Variants in KLHL13 observed in about 807,000 individuals in gnomAD.
The protein encoded by KLHL13 is kelch-like protein 13.
Under a neutral mutation model 37.1 loss-of-function variants are expected in KLHL13, and 10 were observed. The ratio of observed to expected loss-of-function variants is 0.27; its 90% CI spans 0.17 to 0.46. KLHL13 has a LOEUF of 0.46. KLHL13 is among the 20% of genes least tolerant of loss of function. KLHL13 has a pLI of 1.00. For missense variants in KLHL13, 360 were observed against 509.3 expected (o/e 0.71, Z 2.82); for synonymous variants, 163 against 181.2 (o/e 0.90, Z 0.81).
chrX:117,898,374 T>C (rs1929866513), exon 7 of KLHL13: 1 of 112,458 alleles, frequency 8.9e-6, no homozygotes, highest in Non-Finnish European at 1.9e-5. Flanking sequence ...CACAGTCAAG[T>C]GGGTTGACAG....
At chrX:117,970,284 C>T (rs1273797724) in intron 1 of KLHL13, among the ~76,000 whole-genome samples, 1 of 111,914 alleles carries the variant, frequency 8.9e-6, no homozygotes, top group African/African-American at 3.2e-5. Context: ...AATACTGATG[C>T]TACACAAGCA....
exon 7 of KLHL13, chrX:117,898,772 T>C (rs1929889936): frequency 1.4e-6 from 1 of 697,456 alleles, no homozygotes; most frequent in Non-Finnish European, 2.1e-6. Flanking sequence ...ATAACATCAA[T>C]GTTGTCTTTT....
chrX:118,071,333 C>T (rs934855057), intron 1 of KLHL13, among the ~76,000 whole-genome samples: 3 of 111,516 alleles, frequency 2.7e-5, no homozygotes, highest in African/African-American at 9.8e-5. Context: ...AATCGCCACA[C>T]TGACTTCCAC....
At chrX:117,948,793 G>T (rs985937767) in intron 1 of KLHL13, among the ~76,000 whole-genome samples, 2 of 111,872 alleles carry the variant, frequency 1.8e-5, no homozygotes, top group African/African-American at 6.5e-5. Flanking sequence ...CAAAGTGTAC[G>T]TGAATCACTC....
At chrX:117,969,350 T>C (rs2053485680) in intron 1 of KLHL13, among the ~76,000 whole-genome samples, 1 of 111,951 alleles carries the variant, frequency 8.9e-6, no homozygotes, top group African/African-American at 3.2e-5. Context: ...GAAGGAACCA[T>C]TTGCTGTTTT....
chrX:117,926,689 A>G (rs1932038388), intron 2 of KLHL13, among the ~76,000 whole-genome samples: 1 of 109,409 alleles, frequency 9.1e-6, no homozygotes, highest in Non-Finnish European at 1.9e-5. Context: ...TGAAAACCAC[A>G]TATTAATGAG....
At chrX:118,024,816 T>C (rs1249918516) in intron 1 of KLHL13, among the ~76,000 whole-genome samples, 1 of 112,170 alleles carries the variant, frequency 8.9e-6, no homozygotes, top group African/African-American at 3.2e-5. Flanking sequence ...TGGTAGTTTC[T>C]ACAAATGTTA....
intron 1 of KLHL13, among the ~76,000 whole-genome samples, chrX:117,967,153 T>C (rs891839697): frequency 2.7e-5 from 3 of 111,577 alleles, no homozygotes. Context: ...ATTTTTGCAA[T>C]CTACTCATCT....
chrX:118,105,817 A>T (rs2055339508), intron 1 of KLHL13, among the ~76,000 whole-genome samples: 1 of 110,304 alleles, frequency 9.1e-6, no homozygotes, highest in Non-Finnish European at 1.9e-5. Flanking sequence ...AATTGCTATC[A>T]CAATTACTGA....
Position 118,030,708 on chromosome X carries a change from T to C in KLHL13, c.-55-85133A>G, listed in dbSNP as rs2054327690. ...TAAAAGGACAAGTTCAAGTTCATCT[T>C]CCTCTTGTGTGTTCTCTCTCTCCCT... On this transcript the variant is annotated intron_variant, in intron 1 of 6. Transcript: ENST00000371882. Among the ~76,000 whole-genome samples, 11 of 111,805 alleles carry C rather than the reference T, an allele frequency of 9.8e-5. No homozygotes were observed. The South Asian group carries it at 4.1e-3, about 42-fold the overall frequency.
chrX:118,072,665 G>T (rs1170723988), intron 1 of KLHL13, among the ~76,000 whole-genome samples: 1 of 111,820 alleles, frequency 8.9e-6, no homozygotes, highest in African/African-American at 3.3e-5. Flanking sequence ...CAAAAAGTGG[G>T]CGAAGGACAT....
At chrX:118,002,262 A>C (rs1225849699) in intron 1 of KLHL13, among the ~76,000 whole-genome samples, 1 of 111,206 alleles carries the variant, frequency 9.0e-6, no homozygotes, top group Non-Finnish European at 1.9e-5. Context: ...AAAAATTGTT[A>C]TACAAAGTGC....
chrX:118,030,112 A>G (rs2054319951), intron 1 of KLHL13, among the ~76,000 whole-genome samples: 1 of 111,763 alleles, frequency 8.9e-6, no homozygotes, highest in African/African-American at 3.2e-5. Flanking sequence ...ATAGAAGAGG[A>G]AAAAAAACTC....
At chrX:117,928,824 C>T (rs963225307) in intron 2 of KLHL13, among the ~76,000 whole-genome samples, 6 of 110,710 alleles carry the variant, frequency 5.4e-5, no homozygotes, top group Admixed American at 2.9e-4. Flanking sequence ...AGGAGAATTG[C>T]AATAATAAAG....
intron 1 of KLHL13, among the ~76,000 whole-genome samples, chrX:118,016,927 C>G (rs890992327): frequency 8.1e-5 from 9 of 111,786 alleles, no homozygotes; most frequent in Non-Finnish European, 5.7e-5. Context: ...AAATTCATCC[C>G]TAAGTATTTC....
At chrX:118,099,081 C>G (rs1203692263) in intron 1 of KLHL13, among the ~76,000 whole-genome samples, 1 of 108,688 alleles carries the variant, frequency 9.2e-6, no homozygotes, top group Non-Finnish European at 1.9e-5. Context: ...GCACGTTGTG[C>G]ACATGTACTC....
At chrX:118,030,577 C>T (rs2054325969) in intron 1 of KLHL13, among the ~76,000 whole-genome samples, 1 of 112,108 alleles carries the variant, frequency 8.9e-6, no homozygotes, top group Non-Finnish European at 1.9e-5. Context: ...GAAACTTGAC[C>T]TCAATGCAAC....
chrX:117,955,911 C>A, intron 1 of KLHL13, among the ~76,000 whole-genome samples: 1 of 111,480 alleles, frequency 9.0e-6, no homozygotes, highest in South Asian at 3.8e-4. Flanking sequence ...ACTTACAGCC[C>A]ACTCACCTAT....
intron 1 of KLHL13, among the ~76,000 whole-genome samples, chrX:118,026,532 G>A (rs2054276404): frequency 8.9e-6 from 1 of 111,756 alleles, no homozygotes. Flanking sequence ...GTGGAAGAAT[G>A]ATGAAATCGT....
Sources: gnomAD v4.1 joint callset for allele counts (sites outside exome capture counted in the v4.1 genomes callset) on GRCh38, gnomAD v4.1.1 for gene constraint, MANE v1.5 for transcripts, NCBI Gene and HGNC (gene_info 2026-07-23, HGNC 2026-07-21) for gene names.